The following MPRIP variants were observed in gnomAD, a reference collection of about 807,000 sequenced individuals.
MPRIP encodes myosin phosphatase Rho-interacting protein.
Under a neutral mutation model 234.9 loss-of-function variants are expected in MPRIP, and 59 were observed. The observed-to-expected ratio is 0.25, with a 90% confidence interval of 0.20 to 0.31. The LOEUF (loss-of-function observed/expected upper bound fraction) is 0.31. Ranked by LOEUF, MPRIP falls within the 10% of genes least tolerant of loss-of-function variation. The pLI is 1.00. For synonymous variants in MPRIP, 1,144 were observed against 1,263.9 expected, an observed-to-expected ratio of 0.91 and a Z score of 2.01; for missense variants, 2,436 against 3,071.0, an observed-to-expected ratio of 0.79 and a Z score of 4.89.
rs2045679385 is a variant in MPRIP at position 17,154,329 on chromosome 17, G to C, written c.1743G>C (p.Leu581=). 1 of 1,614,168 alleles carries C rather than the reference G, an allele frequency of 6.2e-7. No individual in the cohort carries two copies. The highest frequency in any genetic ancestry group is 8.5e-7 in the Non-Finnish European group (1 of 1,180,028). The change falls in exon 13 of 24, where the codon CTG becomes CTC. Residue 581 remains leucine (L), a synonymous_variant. Coordinates refer to ENST00000651222, the MANE Select transcript of MPRIP (RefSeq NM_001364716.4). The stretch of plus-strand genomic sequence containing the variant: ...AGACAAAGGAGGGCGAGTTTACCCT[G>C]TCGGCCATGACATCTGGGATTCGGC... ...QIHTKEGEFT[L]SAMTSGIRRN...
rs1361973461 is a variant in MPRIP, at chr17:17,167,041, A to G, written c.5450A>G (p.Gln1817Arg). ...ESLRDCQKLL[Q>R]VSQSLSYNTC... ...CTGAGAGATTGCCAGAAGCTTCTCC[A>G]GGTGTCCCAGAGTCTCTCGTATAAC... The change falls in exon 16 of 24, where the codon CAG becomes CGG. Residue 1817 changes from glutamine to arginine, a missense_variant. Around this residue, in one of 4 missense-constraint regions of MPRIP, gnomAD observed 1,998 missense variants for 2,520.3 expected, o/e 0.79. Transcript: ENST00000651222. This position sits in a 1 kb window ranked among gnomAD's most constrained non-coding sequence, Gnocchi z 5.9. 2.3e-6 allele frequency: 3 copies of G among 1,304,220 alleles called. No individual in the cohort carries two copies. Among genetic ancestry groups the G allele is most frequent in the African/African-American group, 1.5e-5 (1 of 65,852 alleles). 80.8% of individuals were successfully genotyped at this position (1,304,220 alleles called of 1,614,324 possible).
At chr17:17,075,393 A>C (rs974715673) in intron 1 of MPRIP, among the ~76,000 whole-genome samples, 6 of 151,450 alleles carry the variant, frequency 4.0e-5, no homozygotes, top group African/African-American at 1.5e-4. Context: ...ATATTTGTTG[A>C]ATAACATGTC....
chr17:17,172,183 C>T (rs940153800), intron 17 of MPRIP, among the ~76,000 whole-genome samples: 10 of 152,242 alleles, frequency 6.6e-5, no homozygotes, highest in Non-Finnish European at 1.3e-4. Context: ...GTGACTTTCC[C>T]CCTGACAGAC....
chr17:17,165,968 A>AG lies in MPRIP; in HGVS notation c.4380dup (p.His1461AlafsTer13). On this transcript the variant is annotated frameshift_variant, in exon 16 of 24. Transcript: ENST00000651222. LOFTEE classifies it high-confidence loss of function. ...GGCAGGAGAGGGCCAGGAGGGTTGA[A>AG]GGGCATGTTGGAGAGCTTGGGGACT... is the stretch of plus-strand genomic sequence containing the variant. 7.7e-7 allele frequency: 1 copy of AG among 1,304,292 alleles called. No individual in the cohort carries two copies. The highest frequency in any genetic ancestry group is 1.0e-6 in the Non-Finnish European group (1 of 988,940). The allele number at this position is 1,304,292 out of a possible 1,614,324, so 80.8% of individuals were successfully genotyped here. A position where few individuals can be genotyped will look rare whatever the true frequency, so the allele number is the denominator to read the frequency against.
intron 3 of MPRIP, among the ~76,000 whole-genome samples, chr17:17,107,319 C>T (rs973765948): frequency 6.6e-5 from 10 of 152,234 alleles, no homozygotes; most frequent in African/African-American, 2.4e-4. Context: ...AGACAAGAGT[C>T]TTCAGGAAGG....
chr17:17,088,999 G>A (rs796798517), intron 3 of MPRIP, among the ~76,000 whole-genome samples: 4 of 152,264 alleles, frequency 2.6e-5, no homozygotes, highest in African/African-American at 9.6e-5. Context: ...CCATGTACTG[G>A]CCTGAGGGCT....
intron 1 of MPRIP, among the ~76,000 whole-genome samples, chr17:17,056,560 G>C (rs1161404222): frequency 6.6e-6 from 1 of 152,136 alleles, no homozygotes; most frequent in East Asian, 1.9e-4. Context: ...TGTGGGCCCT[G>C]CTGTCCCCGT....
At chr17:17,143,776 C>T in intron 9 of MPRIP, 107 bp downstream of exon 9, 1 of 626,216 alleles carries the variant, frequency 1.6e-6, no homozygotes, top group Non-Finnish European at 2.5e-6. Context: ...TCCCTCTGTG[C>T]ACAGGCCCTC....
At chr17:17,057,774 C>CG (rs1342036351) in intron 1 of MPRIP, 1 of 708,636 alleles carries the variant, frequency 1.4e-6, no homozygotes, top group Non-Finnish European at 2.6e-6. Context: ...ATCCTACACC[C>CG]GAGGTGGCCC....
chr17:17,081,105 A>G (rs4264448), intron 3 of MPRIP, among the ~76,000 whole-genome samples: 12,434 of 152,314 alleles, frequency 0.082, 717 homozygotes, highest in East Asian at 0.16. Flanking sequence ...CCAGGCTCAT[A>G]TAATAAACTA....
chr17:17,095,576 A>G (rs1007558025), intron 3 of MPRIP, among the ~76,000 whole-genome samples: 4 of 152,096 alleles, frequency 2.6e-5, no homozygotes, highest in African/African-American at 9.7e-5. Context: ...TTTAGGATGC[A>G]GACTTTCTTG....
chr17:17,089,719 C>T (rs1353275541), intron 3 of MPRIP, among the ~76,000 whole-genome samples: 1 of 152,056 alleles, frequency 6.6e-6, no homozygotes, highest in African/African-American at 2.4e-5. Context: ...AAGATGGGGC[C>T]ACCAGAGACT....
intron 23 of MPRIP, chr17:17,181,948 C>T (rs1271909786): frequency 1.3e-5 from 2 of 152,250 alleles, no homozygotes; most frequent in Non-Finnish European, 2.9e-5. Flanking sequence ...GGGTCCTCCT[C>T]CTTATGTGTT....
intron 1 of MPRIP, among the ~76,000 whole-genome samples, chr17:17,056,804 A>G (rs963997821): frequency 3.3e-5 from 5 of 151,884 alleles, no homozygotes; most frequent in African/African-American, 9.7e-5. Context: ...CCCAGCAACT[A>G]CAAATCTGCT....
At chr17:17,103,021 G>A (rs2089994600) in intron 3 of MPRIP, among the ~76,000 whole-genome samples, 1 of 152,204 alleles carries the variant, frequency 6.6e-6, no homozygotes, top group Admixed American at 6.5e-5. Flanking sequence ...GAGAGTGCTG[G>A]GGGTTGGAAG....
At chr17:17,126,660 C>T in intron 3 of MPRIP, 42 bp from the exon 4 acceptor site, 3 of 1,582,984 alleles carry the variant, frequency 1.9e-6, no homozygotes, top group Non-Finnish European at 2.6e-6. Context: ...TCTGTGGCCC[C>T]ATTGGCTGGC....
In MPRIP at chr17:17,166,346, CACA is replaced by C. The variant is rs1291331879; in HGVS notation, c.4759_4761del (p.Thr1587del). On this transcript the variant is annotated inframe_deletion, in exon 16 of 24. Transcript: ENST00000651222. The surrounding 1 kb of genome is among the most constrained non-coding windows in gnomAD (Gnocchi z 4.4). ...GCCAGATAGCAGATTCCCTGAAGAACACAACATCAGATGTCTCCCGAATGCTCC... is the reference window on the plus strand; with the variant it reads ...GCCAGATAGCAGATTCCCTGAAGAACACATCAGATGTCTCCCGAATGCTCC... 29 of 1,304,616 alleles carry C rather than the reference CACA, an allele frequency of 2.2e-5. No homozygotes were observed. Among genetic ancestry groups the C allele is most frequent in the East Asian group, 2.2e-4 (4 of 18,026 alleles). The allele number at this position is 1,304,616 out of a possible 1,614,324, so 80.8% of individuals were successfully genotyped here.
chr17:17,163,978 A>AAT (rs1567764254), intron 15 of MPRIP, 131 bp from the exon 16 acceptor site: 1 of 509,140 alleles, frequency 2.0e-6, no homozygotes, highest in African/African-American at 2.0e-5. Context: ...GGGAAAAAAA[A>AAT]ATAAAGTTGT....
intron 1 of MPRIP, among the ~76,000 whole-genome samples, chr17:17,056,975 T>C (rs959690105): frequency 1.3e-5 from 2 of 152,264 alleles, no homozygotes; most frequent in Admixed American, 6.5e-5. Context: ...GTATGGATGG[T>C]AGACAGTGGG....
Sources: gnomAD v4.1 joint callset for allele counts (sites outside exome capture counted in the v4.1 genomes callset) on GRCh38, gnomAD v4.1.1 for gene constraint, gnomAD v4.1.1 regional missense constraint, Gnocchi (gnomAD v3.1) non-coding constraint, MANE v1.5 for transcripts, NCBI Gene and HGNC (gene_info 2026-07-23, HGNC 2026-07-21) for gene names.